Variants in KLHL29 observed in about 807,000 individuals in gnomAD.
KLHL29 encodes the protein kelch-like protein 29.
A neutral mutation model predicts 80.4 loss-of-function variants in KLHL29; 21 were observed. The observed-to-expected ratio is 0.26, with a 90% CI of 0.19 to 0.38. KLHL29 has a LOEUF of 0.38. KLHL29 is among the 10% of genes least tolerant of loss of function. KLHL29 has a pLI of 1.00. For missense variants in KLHL29, 867 were observed against 1,223.9 expected, an observed-to-expected ratio of 0.71 and a Z score of 4.35; for synonymous variants, 511 against 526.8, an observed-to-expected ratio of 0.97 and a Z score of 0.41.
At chr2:23,597,943 C>T (rs1558403093) in intron 3 of KLHL29, among the ~76,000 whole-genome samples, 1 of 152,148 alleles carries the variant, frequency 6.6e-6, no homozygotes, top group Admixed American at 6.5e-5. Context: ...GAGAGATGCA[C>T]AGGATGCCTC....
chr2:23,516,488 C>G (rs993663355), intron 2 of KLHL29, among the ~76,000 whole-genome samples: 1 of 152,208 alleles, frequency 6.6e-6, no homozygotes, highest in Non-Finnish European at 1.5e-5. Context: ...TCCTCTTCCC[C>G]TGCACACAGC....
At chr2:23,533,642 G>T (rs1666571121) in intron 2 of KLHL29, among the ~76,000 whole-genome samples, 1 of 152,174 alleles carries the variant, frequency 6.6e-6, no homozygotes, top group Non-Finnish European at 1.5e-5. Context: ...CGGCGTTTGG[G>T]CTGGGTGATG....
At position 23,680,671 on chromosome 2, in the gene KLHL29, C is replaced by G. The variant is rs115697725; in HGVS notation, c.941-3728C>G. On this transcript the variant is annotated intron_variant, in intron 5 of 13. Transcript: ENST00000486442. The surrounding 1 kb of genome is among the most constrained non-coding windows in gnomAD (Gnocchi z 4.1). ...GGTCTCTAGGCCATCTTCTCCTGGG[C>G]TCTCTAGGCCATCTTCCCCTGGGGT... 0.11 allele frequency among the ~76,000 whole-genome samples: 14,697 copies of G among 139,940 alleles called. 870 individuals are homozygous for G. The highest frequency in any genetic ancestry group is 0.18 in the Middle Eastern group (45 of 250). The allele number at this position is 139,940 out of a possible 152,430, so 91.8% of individuals were successfully genotyped here. A position where few individuals can be genotyped will look rare whatever the true frequency, so the allele number is the denominator to read the frequency against.
intron 6 of KLHL29, among the ~76,000 whole-genome samples, chr2:23,688,275 T>TCCTCTCCGTC (rs1671366787): frequency 6.6e-6 from 1 of 152,198 alleles, no homozygotes; most frequent in African/African-American, 2.4e-5. Context: ...GCCCAGGCGT[T>TCCTCTCCGTC]CATTCATGGG....
Position 23,589,707 on chromosome 2 carries a change from T to C in KLHL29, c.285+27226T>C, listed in dbSNP as rs1049240783. The stretch of plus-strand genomic sequence containing the variant: ...TTCCTCTCTGCCTCAGAGGAAAATC[T>C]GAGTTGAGCAAACAGTCCAACTCAG... On this transcript the variant is annotated intron_variant, in intron 3 of 13. Transcript: ENST00000486442. Among the ~76,000 whole-genome samples, 3 of 152,346 alleles carry C rather than the reference T, an allele frequency of 2.0e-5. No individual in the cohort carries two copies. The South Asian group carries it at 6.2e-4, about 32-fold the overall frequency.
At chr2:23,400,382 C>T (rs1221542730) in intron 1 of KLHL29, among the ~76,000 whole-genome samples, 1 of 152,142 alleles carries the variant, frequency 6.6e-6, no homozygotes, top group East Asian at 1.9e-4. Context: ...ACTGAAGCAC[C>T]ACAGCTTTTC....
intron 2 of KLHL29, among the ~76,000 whole-genome samples, chr2:23,561,366 A>G (rs993595523): frequency 6.6e-6 from 1 of 152,184 alleles, no homozygotes; most frequent in Non-Finnish European, 1.5e-5. Flanking sequence ...CCATGACAAC[A>G]TGGAAGGGCC....
At chr2:23,606,426 C>T (rs1668730666) in intron 3 of KLHL29, among the ~76,000 whole-genome samples, 1 of 152,102 alleles carries the variant, frequency 6.6e-6, no homozygotes, top group Admixed American at 6.5e-5. Context: ...TGTGTCCTTG[C>T]CTTTCCCAAT....
chr2:23,616,497 A>G (rs527737633), intron 3 of KLHL29: 24 of 152,362 alleles, frequency 1.6e-4, no homozygotes, highest in African/African-American at 5.3e-4. Flanking sequence ...AACAGAGGTG[A>G]CTTCGGGCTT....
chr2:23,704,528 A>T (rs534160429), intron 13 of KLHL29, among the ~76,000 whole-genome samples: 1 of 152,214 alleles, frequency 6.6e-6, no homozygotes, highest in South Asian at 2.1e-4. Flanking sequence ...GCACTTTGGG[A>T]GGCCGAGGCG....
At chr2:23,434,237 T>C (rs976760213) in intron 1 of KLHL29, among the ~76,000 whole-genome samples, 2 of 142,748 alleles carry the variant, frequency 1.4e-5, no homozygotes, top group Non-Finnish European at 3.0e-5. Flanking sequence ...AGGAGAATGG[T>C]GTGAACCCGG....
chr2:23,394,977 T>C (rs969572798), intron 1 of KLHL29, among the ~76,000 whole-genome samples: 1 of 152,216 alleles, frequency 6.6e-6, no homozygotes, highest in Non-Finnish European at 1.5e-5. Context: ...TGCTGACATA[T>C]GCCAAATCGG....
Position 23,509,641 on chromosome 2 carries a change from C to T in KLHL29, c.-46+33974C>T, listed in dbSNP as rs544454844. 7.9e-5 allele frequency among the ~76,000 whole-genome samples: 12 copies of T among 152,148 alleles called. No homozygotes were observed. The East Asian group carries it at 9.7e-4, about 12-fold the overall frequency. On this transcript the variant is annotated intron_variant, in intron 2 of 13. Coordinates refer to ENST00000486442, the MANE Select transcript of KLHL29 (RefSeq NM_052920.2). ...CTTCAGTTGTGATTTAATATGTGCA[C>T]GGTGCAATACAGAAATACAAAGCAG...
intron 1 of KLHL29, among the ~76,000 whole-genome samples, chr2:23,405,371 A>G (rs988846917): frequency 6.6e-5 from 10 of 152,194 alleles, no homozygotes; most frequent in Non-Finnish European, 1.3e-4. Context: ...ATTACCATCT[A>G]CTCATCACCT....
At chr2:23,593,213 C>A (rs1558401159) in intron 3 of KLHL29, among the ~76,000 whole-genome samples, 1 of 152,208 alleles carries the variant, frequency 6.6e-6, no homozygotes, top group African/African-American at 2.4e-5. Context: ...GGCTTGTTGA[C>A]TGTCCAGGAC....
rs569836386 is a variant in KLHL29, at chr2:23,702,077, C to T, written c.2106-1109C>T. On this transcript the variant is annotated intron_variant, in intron 11 of 13. Transcript: ENST00000486442. Reference sequence around the variant, plus strand: ...ACCTCAGATGATCCGCCCACCTCGGCCTCCCAAAGTGCTGGGATGATAGGC... The same window carrying T: ...ACCTCAGATGATCCGCCCACCTCGGTCTCCCAAAGTGCTGGGATGATAGGC... 3.2e-4 allele frequency among the ~76,000 whole-genome samples: 49 copies of T among 152,150 alleles called. No individual in the cohort carries two copies. The South Asian group carries it at 0.01, about 32-fold the overall frequency.
chr2:23,663,516 G>T (rs1045693724), intron 5 of KLHL29, among the ~76,000 whole-genome samples: 1 of 152,196 alleles, frequency 6.6e-6, no homozygotes, highest in African/African-American at 2.4e-5. Flanking sequence ...TTGCATATGC[G>T]TACCCTGGAT....
intron 5 of KLHL29, among the ~76,000 whole-genome samples, chr2:23,652,977 C>T (rs966599872): frequency 6.6e-6 from 1 of 152,150 alleles, no homozygotes; most frequent in Non-Finnish European, 1.5e-5. Flanking sequence ...TAAATTATTT[C>T]CTTTTGAAGT....
At chr2:23,630,886 C>T (rs555791413) in intron 3 of KLHL29, among the ~76,000 whole-genome samples, 49 of 152,270 alleles carry the variant, frequency 3.2e-4, no homozygotes, top group Non-Finnish European at 4.4e-4. Flanking sequence ...CAGCGCATGC[C>T]GGCACCTGGA....
Sources: gnomAD v4.1 joint callset for allele counts (sites outside exome capture counted in the v4.1 genomes callset) on GRCh38, gnomAD v4.1.1 for gene constraint, Gnocchi (gnomAD v3.1) non-coding constraint, MANE v1.5 for transcripts, NCBI Gene and HGNC (gene_info 2026-07-23, HGNC 2026-07-21) for gene names.